The following ME3 variants were observed in gnomAD, a reference collection of about 807,000 sequenced individuals.
The protein encoded by ME3 is malic enzyme 3, also known as NADP-dependent malic enzyme, mitochondrial.
In ME3, 48 loss-of-function variants were observed where a neutral mutation model predicts 68.9. The observed-to-expected ratio is 0.70, with a 90% CI of 0.55 to 0.89. The LOEUF (loss-of-function observed/expected upper bound fraction) is 0.89. Among genes scored for constraint, ME3 ranks in the 40% least tolerant of loss-of-function variants. The probability of loss-of-function intolerance (pLI) is 0.00; values close to 1 mark genes in which losing one functional copy is unlikely to be tolerated. For missense variants in ME3, 675 were observed against 797.4 expected (o/e 0.85, Z 1.85); for synonymous variants, 320 against 318.8 (o/e 1.00, Z -0.04).
At chr11:86,553,396 C>T (rs1956787776) in intron 4 of ME3, among the ~76,000 whole-genome samples, 1 of 152,188 alleles carries the variant, frequency 6.6e-6, no homozygotes, top group Non-Finnish European at 1.5e-5. Flanking sequence ...CTGGCTCTCT[C>T]CCTCTTGGCC....
intron 4 of ME3, among the ~76,000 whole-genome samples, chr11:86,511,667 G>T (rs79030792): frequency 6.6e-6 from 1 of 152,056 alleles, no homozygotes; most frequent in African/African-American, 2.4e-5. Context: ...AGGAAAGGCC[G>T]CAAGATTAGG....
At chr11:86,454,992 T>C (rs889348055) in intron 8 of ME3, among the ~76,000 whole-genome samples, 3 of 152,220 alleles carry the variant, frequency 2.0e-5, no homozygotes, top group Non-Finnish European at 4.4e-5. Context: ...ACATTCATCA[T>C]TGTGGACATC....
intron 8 of ME3, among the ~76,000 whole-genome samples, chr11:86,452,426 T>A (rs983142294): frequency 6.6e-6 from 1 of 152,186 alleles, no homozygotes; most frequent in Non-Finnish European, 1.5e-5. Flanking sequence ...ATCTTCATAT[T>A]TCTATGCTCA....
At chr11:86,448,582 C>T (rs1254655186) in intron 10 of ME3, among the ~76,000 whole-genome samples, 1 of 152,130 alleles carries the variant, frequency 6.6e-6, no homozygotes, top group East Asian at 1.9e-4. Context: ...TGAGTCTCAC[C>T]AAGACCCTTT....
intron 2 of ME3, among the ~76,000 whole-genome samples, chr11:86,623,820 G>T (rs1286760223): frequency 6.6e-6 from 1 of 152,064 alleles, no homozygotes; most frequent in African/African-American, 2.4e-5. Flanking sequence ...GGTGTGTTGT[G>T]GAACATACTT....
intron 4 of ME3, among the ~76,000 whole-genome samples, chr11:86,553,733 C>T (rs1432508166): frequency 3.3e-5 from 5 of 152,204 alleles, no homozygotes; most frequent in Non-Finnish European, 5.9e-5. Context: ...TGCAGGCCCC[C>T]GGACCCTGCT....
chr11:86,655,439 C>T (rs375238350), intron 2 of ME3, among the ~76,000 whole-genome samples: 25 of 152,160 alleles, frequency 1.6e-4, no homozygotes, highest in East Asian at 5.8e-4. Context: ...TCAGAAATAA[C>T]GCCACGTATC....
At chr11:86,541,051 C>A (rs527329852) in intron 4 of ME3, among the ~76,000 whole-genome samples, 20 of 152,318 alleles carry the variant, frequency 1.3e-4, no homozygotes, top group African/African-American at 4.1e-4. Flanking sequence ...GGAACTCCCT[C>A]CCCTAGCCAA....
At chr11:86,621,015 G>A (rs994317703) in intron 2 of ME3, among the ~76,000 whole-genome samples, 2 of 152,144 alleles carry the variant, frequency 1.3e-5, no homozygotes, top group African/African-American at 2.4e-5. Context: ...CTCCACCAAA[G>A]TAAGGTCTGG....
intron 2 of ME3, among the ~76,000 whole-genome samples, chr11:86,612,892 G>A (rs554362094): frequency 1.3e-5 from 2 of 152,220 alleles, no homozygotes; most frequent in Admixed American, 6.5e-5. Flanking sequence ...TTCTTTTGCT[G>A]TGCAGAAGCT....
intron 2 of ME3, among the ~76,000 whole-genome samples, chr11:86,563,353 A>G (rs1957331814): frequency 6.6e-6 from 1 of 152,048 alleles, no homozygotes; most frequent in African/African-American, 2.4e-5. Context: ...TGACTTTTTG[A>G]TAATAGCCAT....
chr11:86,486,553 G>C (rs1481586816), intron 7 of ME3, among the ~76,000 whole-genome samples: 1 of 152,224 alleles, frequency 6.6e-6, no homozygotes, highest in Non-Finnish European at 1.5e-5. Flanking sequence ...GCCAAGGATG[G>C]GCAGGCCATC....
At chr11:86,583,272 A>C (rs1159452484) in intron 2 of ME3, among the ~76,000 whole-genome samples, 4 of 152,166 alleles carry the variant, frequency 2.6e-5, no homozygotes, top group Non-Finnish European at 5.9e-5. Flanking sequence ...CTCACATTCC[A>C]CTGGGGGAGT....
intron 4 of ME3, among the ~76,000 whole-genome samples, chr11:86,541,221 C>G (rs1219979878): frequency 4.6e-5 from 7 of 152,126 alleles, no homozygotes; most frequent in Admixed American, 4.6e-4. Context: ...GCCATTTGGG[C>G]AGACACCAAG....
exon 15 of ME3, chr11:86,441,415 T>C (rs772431975): frequency 9.3e-6 from 15 of 1,605,190 alleles, no homozygotes; most frequent in Non-Finnish European, 1.2e-5. Flanking sequence ...GGAAGCCAGG[T>C]TGTGTTTGTA....
intron 2 of ME3, among the ~76,000 whole-genome samples, chr11:86,661,831 AGTATTGTATTGTATTGTATTGTATT>A (rs57724567): frequency 0.31 from 45,781 of 150,074 alleles, 7,036 homozygotes; most frequent in East Asian, 0.36. Context: ...TTCAAGGCAG[AGTATTGTATTGTATTGTATTGTATT>A]GTATTGTATT....
At chr11:86,643,232 A>T (rs749615657) in intron 2 of ME3, among the ~76,000 whole-genome samples, 1 of 152,126 alleles carries the variant, frequency 6.6e-6, no homozygotes, top group Non-Finnish European at 1.5e-5. Context: ...CTAAAGTTCA[A>T]ATCCTATAGT....
At chr11:86,670,884 CA>C (rs1946887620) in intron 2 of ME3, among the ~76,000 whole-genome samples, 1 of 152,158 alleles carries the variant, frequency 6.6e-6, no homozygotes, top group South Asian at 2.1e-4. Flanking sequence ...GTGGGTCTAT[CA>C]TAATATCTAT....
chr11:86,575,545 T>C (rs1442408079), intron 2 of ME3, among the ~76,000 whole-genome samples: 1 of 147,026 alleles, frequency 6.8e-6, no homozygotes, highest in Non-Finnish European at 1.5e-5. Context: ...CCCCTTTCTC[T>C]GAGATAAGAA....
Sources: gnomAD v4.1 joint callset for allele counts (sites outside exome capture counted in the v4.1 genomes callset) on GRCh38, gnomAD v4.1.1 for gene constraint, MANE v1.5 for transcripts, NCBI Gene and HGNC (gene_info 2026-07-23, HGNC 2026-07-21) for gene names.